ADAMTS20: variants seen among roughly 807,000 people sequenced by gnomAD.
ADAMTS20 encodes the protein ADAM metallopeptidase with thrombospondin type 1 motif 20.
Under a neutral mutation model 260.1 loss-of-function variants are expected in ADAMTS20, and 225 were observed. The ratio of observed to expected loss-of-function variants is 0.87; its 90% CI spans 0.78 to 0.97. The LOEUF is 0.97. ADAMTS20 is among the 50% of genes least tolerant of loss of function. The pLI is 0.00. For synonymous variants in ADAMTS20, 802 were observed against 769.5 expected, an observed-to-expected ratio of 1.04 and a Z score of -0.70; for missense variants, 2,400 against 2,337.7, an observed-to-expected ratio of 1.03 and a Z score of -0.55.
chr12:43,532,064 C>A lies in ADAMTS20; in HGVS notation c.585G>T (p.Leu195=). 1 of 1,603,924 alleles carries A rather than the reference C, an allele frequency of 6.2e-7. No individual in the cohort carries two copies. The highest frequency in any genetic ancestry group is 1.1e-5 in the South Asian group (1 of 89,646). ...ACACACTGCAATACTTCAGAGTCTG[C>A]AGAAAAGAGTTATTTAAGTCTTGTC... is the stretch of plus-strand genomic sequence containing the variant. ...IYRQDLNNSF[L]QTLKYCSVSE... Residue 195 remains leucine, a synonymous_variant, in exon 3 of 39, where the codon CTG becomes CTT. Transcript: ENST00000389420.
intron 3 of ADAMTS20, among the ~76,000 whole-genome samples, chr12:43,503,482 C>T (rs1176710819): frequency 1.3e-5 from 2 of 151,882 alleles, no homozygotes; most frequent in African/African-American, 4.8e-5. Context: ...AAGAAAGAAA[C>T]AGAACACTTT....
chr12:43,425,972 A>AT (rs1941325970), intron 27 of ADAMTS20, among the ~76,000 whole-genome samples: 2 of 152,150 alleles, frequency 1.3e-5, no homozygotes, highest in South Asian at 4.1e-4. Context: ...ATATTTCAGT[A>AT]AGATATCCAG....
intron 4 of ADAMTS20, among the ~76,000 whole-genome samples, chr12:43,495,037 A>G (rs192992959): frequency 3.9e-4 from 59 of 152,358 alleles, no homozygotes; most frequent in African/African-American, 1.4e-3. Context: ...TAACTACTAT[A>G]TCCATTGTCC....
chr12:43,537,715 T>C (rs1943316397), intron 2 of ADAMTS20, among the ~76,000 whole-genome samples: 1 of 152,132 alleles, frequency 6.6e-6, no homozygotes, highest in East Asian at 1.9e-4. Flanking sequence ...CTACTCTCTA[T>C]GTCCATGAGT....
At chr12:43,419,088 T>A (rs1157083891) in intron 28 of ADAMTS20, among the ~76,000 whole-genome samples, 1 of 152,102 alleles carries the variant, frequency 6.6e-6, no homozygotes, top group Non-Finnish European at 1.5e-5. Flanking sequence ...AGAACAGTTG[T>A]GAGAGAAAAG....
intron 2 of ADAMTS20, among the ~76,000 whole-genome samples, chr12:43,535,449 C>G (rs1348739046): frequency 6.6e-6 from 1 of 152,060 alleles, no homozygotes; most frequent in Non-Finnish European, 1.5e-5. Context: ...AAAATTACAT[C>G]CTTATTATCA....
At chr12:43,463,904 G>A (rs1361667749) in intron 10 of ADAMTS20, among the ~76,000 whole-genome samples, 2 of 151,964 alleles carry the variant, frequency 1.3e-5, no homozygotes, top group East Asian at 3.9e-4. Flanking sequence ...GAAGCAATTA[G>A]GCAAAAATAT....
chr12:43,454,145 AC>A, intron 11 of ADAMTS20, 93 bp from the exon 12 acceptor site: 1 of 1,358,698 alleles, frequency 7.4e-7, no homozygotes, highest in Non-Finnish European at 9.9e-7. Context: ...CAACAGAAGA[AC>A]AAACTAAACA....
At chr12:43,447,033 C>G (rs112005698) in intron 14 of ADAMTS20, among the ~76,000 whole-genome samples, 2 of 151,840 alleles carry the variant, frequency 1.3e-5, no homozygotes, top group African/African-American at 4.8e-5. Flanking sequence ...CAGGATCACA[C>G]GATTCCCAGC....
chr12:43,520,757 C>T (rs1275125331), intron 3 of ADAMTS20, among the ~76,000 whole-genome samples: 1 of 152,084 alleles, frequency 6.6e-6, no homozygotes, highest in Non-Finnish European at 1.5e-5. Flanking sequence ...TGGGCATGGT[C>T]GTGGCCATAT....
At chr12:43,529,381 T>G (rs1431054052) in intron 3 of ADAMTS20, among the ~76,000 whole-genome samples, 1 of 152,060 alleles carries the variant, frequency 6.6e-6, no homozygotes, top group African/African-American at 2.4e-5. Flanking sequence ...AATTCACAGT[T>G]GCAAAGATAT....
At chr12:43,529,612 A>G (rs1943193264) in intron 3 of ADAMTS20, among the ~76,000 whole-genome samples, 1 of 152,158 alleles carries the variant, frequency 6.6e-6, no homozygotes, top group Non-Finnish European at 1.5e-5. Context: ...ATGAGTATGC[A>G]AAGGCATACC....
chr12:43,353,368 A>G (rs1939674197), downstream of ADAMTS20, among the ~76,000 whole-genome samples: 3 of 152,022 alleles, frequency 2.0e-5, no homozygotes, highest in South Asian at 6.2e-4. Context: ...AATTAATAGA[A>G]TACAGTACAT....
At chr12:43,399,676 T>A (rs563242863) in intron 28 of ADAMTS20, among the ~76,000 whole-genome samples, 1 of 152,272 alleles carries the variant, frequency 6.6e-6, no homozygotes, top group African/African-American at 2.4e-5. Context: ...ATTTTAGTAA[T>A]CTCTCAGTGC....
intron 7 of ADAMTS20, among the ~76,000 whole-genome samples, chr12:43,472,807 A>G (rs1274535342): frequency 3.3e-5 from 5 of 151,646 alleles, no homozygotes; most frequent in African/African-American, 4.8e-5. Context: ...GTCACCACCA[A>G]GCCTGCCCTA....
chr12:43,476,857 A>AG (rs1223506173), intron 7 of ADAMTS20, among the ~76,000 whole-genome samples: 2 of 134,044 alleles, frequency 1.5e-5, no homozygotes, highest in Admixed American at 1.5e-4. Flanking sequence ...GGGTGGGTGG[A>AG]GGGGGGAGGG....
chr12:43,492,056 T>C (rs943134636), intron 6 of ADAMTS20, among the ~76,000 whole-genome samples: 11 of 152,196 alleles, frequency 7.2e-5, no homozygotes, highest in African/African-American at 2.7e-4. Flanking sequence ...CAAATTCTTA[T>C]AGAACACTTC....
At chr12:43,388,987 T>C (rs527966284) in intron 29 of ADAMTS20, among the ~76,000 whole-genome samples, 1 of 152,320 alleles carries the variant, frequency 6.6e-6, no homozygotes, top group African/African-American at 2.4e-5. Flanking sequence ...CCCCACCTCC[T>C]AATACCATCA....
Position 43,551,795 on chromosome 12 carries a change from C to A in ADAMTS20, c.91+36G>T, listed in dbSNP as rs376310421. On this transcript the variant is annotated intron_variant, in intron 1 of 38. Transcript: ENST00000389420. The surrounding 1 kb of genome is among the most constrained non-coding windows in gnomAD (Gnocchi z 4.6). Reference sequence around the variant, plus strand: ...ATGTCCCACTCGGGCCCCGCGCCCCCACTTAGCCGCTGAAGGCGTCTCGCG... The same window carrying A: ...ATGTCCCACTCGGGCCCCGCGCCCCAACTTAGCCGCTGAAGGCGTCTCGCG... 4.4e-6 allele frequency: 7 copies of A among 1,607,108 alleles called. No individual in the cohort carries two copies. In the South Asian group the frequency reaches 7.7e-5, roughly 18 times the overall value.
Sources: gnomAD v4.1 joint callset for allele counts (sites outside exome capture counted in the v4.1 genomes callset) on GRCh38, gnomAD v4.1.1 for gene constraint, Gnocchi (gnomAD v3.1) non-coding constraint, MANE v1.5 for transcripts, NCBI Gene and HGNC (gene_info 2026-07-23, HGNC 2026-07-21) for gene names.